ELMO1: variants seen among roughly 807,000 people sequenced by gnomAD.
ELMO1 encodes the protein engulfment and cell motility protein 1.
In ELMO1, 26 loss-of-function variants were observed where a neutral mutation model predicts 98.9. The observed-to-expected ratio is 0.26, with a 90% CI of 0.19 to 0.36. ELMO1 has a LOEUF of 0.36. Ranked by LOEUF, ELMO1 falls within the 10% of genes least tolerant of loss-of-function variation. The probability of loss-of-function intolerance (pLI) is 1.00; values close to 1 mark genes in which losing one functional copy is unlikely to be tolerated. For missense variants in ELMO1, 627 were observed against 935.2 expected (o/e 0.67, Z 4.30); for synonymous variants, 346 against 346.0 (o/e 1.00, Z 0.00).
At position 36,962,474 on chromosome 7, in the gene ELMO1, T is replaced by A. The variant is rs115496222; in HGVS notation, c.1437+50825A>T. Among the ~76,000 whole-genome samples the A allele has an allele frequency of 4.3e-3, 648 of 152,222 alleles. 11 individuals are homozygous for A. The highest frequency in any genetic ancestry group is 0.015 in the African/African-American group (618 of 41,522). ...ACTGAAGAAGTTCCTGTAGTGACCC[T>A]GGGTCACTACAGAAAAATACCAGGG... On this transcript the variant is annotated intron_variant, in intron 16 of 21. Coordinates refer to ENST00000310758, the MANE Select transcript of ELMO1 (RefSeq NM_014800.11).
chr7:36,967,118 T>C (rs2129127885), intron 16 of ELMO1, among the ~76,000 whole-genome samples: 1 of 152,358 alleles, frequency 6.6e-6, no homozygotes, highest in South Asian at 2.1e-4. Flanking sequence ...CTATTCTTTT[T>C]AGAAATGTAT....
intron 1 of ELMO1, among the ~76,000 whole-genome samples, chr7:37,430,419 A>C (rs1416412162): frequency 6.6e-6 from 1 of 152,208 alleles, no homozygotes; most frequent in Non-Finnish European, 1.5e-5. Context: ...TAGGGCTCAC[A>C]AAAGGCACTC....
At chr7:37,029,646 A>G (rs1355829827) in intron 15 of ELMO1, among the ~76,000 whole-genome samples, 1 of 152,182 alleles carries the variant, frequency 6.6e-6, no homozygotes, top group Non-Finnish European at 1.5e-5. Flanking sequence ...AATAAAAATT[A>G]TTTGCACCAT....
At chr7:36,900,957 T>C (rs1468165194) in intron 16 of ELMO1, among the ~76,000 whole-genome samples, 2 of 152,160 alleles carry the variant, frequency 1.3e-5, no homozygotes, top group Non-Finnish European at 2.9e-5. Flanking sequence ...AGACCCTAAG[T>C]GCTCATGTGT....
chr7:37,230,403 G>A lies in ELMO1; in HGVS notation c.549+2692C>T, dbSNP rs180750832. Among the ~76,000 whole-genome samples, 6 of 152,238 alleles carry A rather than the reference G, an allele frequency of 3.9e-5. No individual in the cohort carries two copies. The East Asian group carries it at 5.8e-4, about 15-fold the overall frequency. On this transcript the variant is annotated intron_variant, in intron 8 of 21. Coordinates refer to ENST00000310758, the MANE Select transcript of ELMO1 (RefSeq NM_014800.11). ...AGACAGGCTGGTTAAGCAAGGCTCC[G>A]GGAACTATGCCTTCCACCACTTGGA...
intron 13 of ELMO1, among the ~76,000 whole-genome samples, chr7:37,134,620 T>C (rs1787145512): frequency 2.0e-5 from 3 of 151,920 alleles, no homozygotes; most frequent in African/African-American, 7.3e-5. Context: ...CGTATGTTTA[T>C]TGCAGTACTA....
At chr7:37,033,032 A>T (rs1490477431) in intron 15 of ELMO1, among the ~76,000 whole-genome samples, 1 of 152,222 alleles carries the variant, frequency 6.6e-6, no homozygotes, top group African/African-American at 2.4e-5. Flanking sequence ...GAAGCGATAA[A>T]ATCATATTTC....
chr7:37,375,784 G>A lies in ELMO1; in HGVS notation c.-73-33021C>T, dbSNP rs1802315083. 26 of 986,014 alleles carry A rather than the reference G, an allele frequency of 2.6e-5. No individual in the cohort carries two copies. In the South Asian group the frequency reaches 3.4e-4, roughly 13 times the overall value. The allele number at this position is 986,014 out of a possible 1,614,324, so 61.1% of individuals were successfully genotyped here. On this transcript the variant is annotated intron_variant, in intron 1 of 21. Transcript: ENST00000310758. Reference sequence around the variant, plus strand: ...CAGTGATTACCTTCATCTGACCCTGGAGACTGTGCCTGCCACTGTACACTG... The same window carrying A: ...CAGTGATTACCTTCATCTGACCCTGAAGACTGTGCCTGCCACTGTACACTG...
At chr7:37,409,796 C>T (rs1478915310) in intron 1 of ELMO1, among the ~76,000 whole-genome samples, 1 of 152,188 alleles carries the variant, frequency 6.6e-6, no homozygotes, top group Non-Finnish European at 1.5e-5. Flanking sequence ...AAAGCTGTCA[C>T]AACATTCCAC....
At chr7:37,213,831 G>A (rs978845818) in intron 11 of ELMO1, among the ~76,000 whole-genome samples, 3 of 152,164 alleles carry the variant, frequency 2.0e-5, no homozygotes, top group African/African-American at 7.2e-5. Flanking sequence ...AACCAATGAT[G>A]CATACCCATA....
intron 13 of ELMO1, among the ~76,000 whole-genome samples, chr7:37,182,134 C>T (rs1229189244): frequency 6.6e-6 from 1 of 152,198 alleles, no homozygotes; most frequent in Admixed American, 6.5e-5. Context: ...CTTCCCACCG[C>T]CCCGAGGCTC....
intron 14 of ELMO1, among the ~76,000 whole-genome samples, chr7:37,119,571 G>C (rs1785858594): frequency 6.6e-6 from 1 of 152,124 alleles, no homozygotes; most frequent in Non-Finnish European, 1.5e-5. Flanking sequence ...TTTTAAAATA[G>C]TGTAAACTAA....
intron 2 of ELMO1, among the ~76,000 whole-genome samples, chr7:37,333,563 A>G (rs1800245269): frequency 6.6e-6 from 1 of 152,178 alleles, no homozygotes; most frequent in South Asian, 2.1e-4. Context: ...AAAGGGAGAG[A>G]TATGTTTGCT....
At chr7:36,884,179 C>T (rs534543942) in intron 18 of ELMO1, among the ~76,000 whole-genome samples, 9 of 152,108 alleles carry the variant, frequency 5.9e-5, no homozygotes, top group South Asian at 2.1e-4. Context: ...AAAAATTACC[C>T]GGGCATGGTG....
chr7:37,445,022 A>G (rs573221251), intron 1 of ELMO1, among the ~76,000 whole-genome samples: 1 of 152,260 alleles, frequency 6.6e-6, no homozygotes, highest in Non-Finnish European at 1.5e-5. Context: ...TTATTGAAAC[A>G]GGCTTTTTAA....
chr7:37,388,414 AT>A (rs3054376), intron 1 of ELMO1, among the ~76,000 whole-genome samples: 20 of 149,236 alleles, frequency 1.3e-4, no homozygotes, highest in African/African-American at 1.7e-4. Flanking sequence ...TATGTAACTA[AT>A]TTTTTTTTTT....
In ELMO1 at chr7:36,919,460, G is replaced by C. The variant is rs556873740; in HGVS notation, c.1438-24443C>G. The C allele has an allele frequency of 8.4e-4, 429 of 508,326 alleles. 6 individuals carry two copies. The highest frequency in any genetic ancestry group is 5.2e-3 in the South Asian group (365 of 69,616). 31.5% of individuals were successfully genotyped at this position (508,326 alleles called of 1,614,324 possible). A position where few individuals can be genotyped will look rare whatever the true frequency, so the allele number is the denominator to read the frequency against. ...GTAAACTAGGAAGAATGTGGGCTTT[G>C]GGGTCACAGAACTCTGGATTTGAAA... On this transcript the variant is annotated intron_variant, in intron 16 of 21. Coordinates refer to ENST00000310758, the MANE Select transcript of ELMO1 (RefSeq NM_014800.11).
At chr7:37,355,889 C>G (rs1801476448) in intron 1 of ELMO1, among the ~76,000 whole-genome samples, 1 of 152,216 alleles carries the variant, frequency 6.6e-6, no homozygotes, top group Non-Finnish European at 1.5e-5. Context: ...ATCTGCCCCA[C>G]TATTACTGCA....
intron 16 of ELMO1, among the ~76,000 whole-genome samples, chr7:36,965,633 T>A (rs990970473): frequency 6.6e-6 from 1 of 152,196 alleles, no homozygotes; most frequent in Non-Finnish European, 1.5e-5. Context: ...CTGATATGCC[T>A]GCAAAAGAAT....
Sources: allele counts gnomAD v4.1 joint callset (sites outside exome capture counted in the v4.1 genomes callset), GRCh38; gene constraint gnomAD v4.1.1; transcripts MANE v1.5; gene names NCBI Gene and HGNC (gene_info 2026-07-23, HGNC 2026-07-21).